The following CERS6 variants were observed in gnomAD, a reference collection of about 807,000 sequenced individuals.
The protein encoded by CERS6 is ceramide synthase 6, also known as LAG1 homolog, ceramide synthase 6.
A neutral mutation model predicts 56.8 loss-of-function variants in CERS6; 26 were observed. That is an observed-to-expected ratio of 0.46 (90% confidence interval 0.34 to 0.63). The LOEUF (loss-of-function observed/expected upper bound fraction) is 0.63, where lower values mean the gene tolerates loss of function less well. Among genes scored for constraint, CERS6 ranks in the 30% least tolerant of loss-of-function variants. CERS6 has a pLI of 0.01. For synonymous variants in CERS6, 164 were observed against 173.3 expected, an observed-to-expected ratio of 0.95 and a Z score of 0.42; for missense variants, 415 against 467.5, an observed-to-expected ratio of 0.89 and a Z score of 1.04.
At chr2:168,754,865 C>T (rs1684372800) in intron 8 of CERS6, among the ~76,000 whole-genome samples, 1 of 152,144 alleles carries the variant, frequency 6.6e-6, no homozygotes, top group South Asian at 2.1e-4. Context: ...TCAAGTGATC[C>T]TCCTGCGCTC....
intron 8 of CERS6, among the ~76,000 whole-genome samples, chr2:168,745,527 C>G (rs1229608498): frequency 2.6e-5 from 4 of 152,112 alleles, no homozygotes; most frequent in African/African-American, 4.8e-5. Flanking sequence ...AGGCGTGAAC[C>G]ACTGCGCCTG....
chr2:168,743,212 GTATGTGTGTGTGTATATATA>G (rs1171205900), intron 8 of CERS6, among the ~76,000 whole-genome samples: 1 of 127,256 alleles, frequency 7.9e-6, no homozygotes, highest in Admixed American at 9.0e-5. Context: ...ATGTGTGTGT[GTATGTGTGTGTGTATATATA>G]TATGTGTGTG....
chr2:168,667,124 CAT>C (rs1273228585), intron 4 of CERS6, among the ~76,000 whole-genome samples: 2 of 152,062 alleles, frequency 1.3e-5, no homozygotes, highest in Non-Finnish European at 2.9e-5. Context: ...TTTTTCTTTT[CAT>C]TATAAATTAA....
intron 4 of CERS6, among the ~76,000 whole-genome samples, chr2:168,658,137 C>T (rs1257255250): frequency 6.6e-6 from 1 of 152,170 alleles, no homozygotes; most frequent in African/African-American, 2.4e-5. Flanking sequence ...GTTTCCTTAT[C>T]TGTAAAATTA....
At chr2:168,457,050 C>T (rs1252309731) in intron 1 of CERS6, among the ~76,000 whole-genome samples, 1 of 152,228 alleles carries the variant, frequency 6.6e-6, no homozygotes, top group South Asian at 2.1e-4. Context: ...AGGAACGTTC[C>T]GGACGCGCGG....
intron 1 of CERS6, among the ~76,000 whole-genome samples, chr2:168,532,731 A>G (rs987819527): frequency 2.6e-5 from 4 of 152,132 alleles, no homozygotes; most frequent in African/African-American, 9.7e-5. Context: ...AAAAATTTGA[A>G]CTCTCATTTT....
At chr2:168,656,119 G>A (rs772154591) in intron 4 of CERS6, among the ~76,000 whole-genome samples, 3 of 152,254 alleles carry the variant, frequency 2.0e-5, no homozygotes, top group South Asian at 2.1e-4. Context: ...GGTCCTAGAG[G>A]GTTAGGAAGA....
chr2:168,619,903 C>T (rs1684419533), intron 3 of CERS6, among the ~76,000 whole-genome samples: 1 of 150,510 alleles, frequency 6.6e-6, no homozygotes, highest in Admixed American at 6.6e-5. Flanking sequence ...CTGCACAATT[C>T]ACAATTGTGA....
Position 168,586,009 on chromosome 2 carries a change from G to A in CERS6, c.407+24687G>A, listed in dbSNP as rs114542290. 4.2e-3 allele frequency among the ~76,000 whole-genome samples: 639 copies of A among 152,050 alleles called. 7 individuals carry two copies. The highest frequency in any genetic ancestry group is 0.014 in the African/African-American group (594 of 41,478). Reference sequence around the variant, plus strand: ...AAGATACTTTAGTTTTTTGAGACAGGGTCTTACTCTGTCACCCCAGCTGGA... The same window carrying A: ...AAGATACTTTAGTTTTTTGAGACAGAGTCTTACTCTGTCACCCCAGCTGGA... On this transcript the variant is annotated intron_variant, in intron 3 of 9. Transcript: ENST00000305747.
At chr2:168,477,214 A>AGAGG in intron 1 of CERS6, among the ~76,000 whole-genome samples, 1 of 136,708 alleles carries the variant, frequency 7.3e-6, no homozygotes, top group East Asian at 2.0e-4. Flanking sequence ...AGAGAGAGAG[A>AGAGG]GAGAGTCTCA....
At chr2:168,597,456 C>T (rs1211442777) in intron 3 of CERS6, among the ~76,000 whole-genome samples, 2 of 152,142 alleles carry the variant, frequency 1.3e-5, no homozygotes, top group Non-Finnish European at 1.5e-5. Flanking sequence ...CTCCCGGATT[C>T]CTTAGCTCAG....
At chr2:168,486,271 A>G (rs1694272644) in intron 1 of CERS6, among the ~76,000 whole-genome samples, 1 of 152,104 alleles carries the variant, frequency 6.6e-6, no homozygotes, top group South Asian at 2.1e-4. Context: ...TTGTTTTGCA[A>G]AGATTTTCTC....
chr2:168,486,277 TTC>T (rs1258285593), intron 1 of CERS6, among the ~76,000 whole-genome samples: 2 of 152,162 alleles, frequency 1.3e-5, no homozygotes, highest in Non-Finnish European at 2.9e-5. Flanking sequence ...TGCAAAGATT[TTC>T]TCTCTTGTCC....
chr2:168,768,214 A>G (rs1424005606), intron 9 of CERS6, among the ~76,000 whole-genome samples: 1 of 151,132 alleles, frequency 6.6e-6, no homozygotes, highest in Non-Finnish European at 1.5e-5. Context: ...GATGGGAGCC[A>G]GTTTTTTTTG....
At chr2:168,463,259 A>G (rs1693809283) in intron 1 of CERS6, among the ~76,000 whole-genome samples, 1 of 152,204 alleles carries the variant, frequency 6.6e-6, no homozygotes, top group Non-Finnish European at 1.5e-5. Context: ...CATACTGTAT[A>G]TATATGGTTT....
At chr2:168,764,305 G>A (rs940366988) in intron 8 of CERS6, among the ~76,000 whole-genome samples, 1 of 151,872 alleles carries the variant, frequency 6.6e-6, no homozygotes, top group African/African-American at 2.4e-5. Flanking sequence ...ACCACACCCG[G>A]CTAATTTTTT....
chr2:168,543,696 C>T (rs1695413545), intron 1 of CERS6, among the ~76,000 whole-genome samples: 1 of 151,972 alleles, frequency 6.6e-6, no homozygotes, highest in East Asian at 1.9e-4. Context: ...ATTTGGGGTT[C>T]ACTTTTTCTG....
At chr2:168,564,654 C>T (rs935758486) in intron 3 of CERS6, among the ~76,000 whole-genome samples, 3 of 152,114 alleles carry the variant, frequency 2.0e-5, no homozygotes, top group African/African-American at 7.2e-5. Flanking sequence ...TTCCTTCCTG[C>T]CTTGTGTATG....
At chr2:168,690,802 C>A (rs1686480397) in intron 4 of CERS6, among the ~76,000 whole-genome samples, 1 of 152,068 alleles carries the variant, frequency 6.6e-6, no homozygotes, top group South Asian at 2.1e-4. Context: ...GGAACTGCAT[C>A]CCAAAAGCAG....
Sources: gnomAD v4.1 joint callset for allele counts (sites outside exome capture counted in the v4.1 genomes callset) on GRCh38, gnomAD v4.1.1 for gene constraint, MANE v1.5 for transcripts, NCBI Gene and HGNC (gene_info 2026-07-23, HGNC 2026-07-21) for gene names.